Variants in VIPR2 observed in about 807,000 individuals in gnomAD.
The protein encoded by VIPR2 is vasoactive intestinal peptide receptor 2.
In VIPR2, 48 loss-of-function variants were observed where a neutral mutation model predicts 58.0. The ratio of observed to expected loss-of-function variants is 0.83; its 90% CI spans 0.66 to 1.05. The LOEUF (loss-of-function observed/expected upper bound fraction) is 1.05, where lower values mean the gene tolerates loss of function less well. Among genes scored for constraint, VIPR2 ranks in the 50% least tolerant of loss-of-function variants. The pLI, the probability that VIPR2 is intolerant of heterozygous loss-of-function variation, is 0.00. For missense variants in VIPR2, 534 were observed against 558.0 expected, an observed-to-expected ratio of 0.96 and a Z score of 0.43; for synonymous variants, 243 against 235.2, an observed-to-expected ratio of 1.03 and a Z score of -0.30.
Position 159,136,012 on chromosome 7 carries a change from C to T in VIPR2, c.151+6434G>A, listed in dbSNP as rs559796524. Among the ~76,000 whole-genome samples, 14 of 152,248 alleles carry T rather than the reference C, an allele frequency of 9.2e-5. No individual in the cohort carries two copies. The South Asian group carries it at 2.5e-3, about 27-fold the overall frequency. On this transcript the variant is annotated intron_variant, in intron 2 of 12. Coordinates refer to ENST00000262178, the MANE Select transcript of VIPR2 (RefSeq NM_003382.5). Reference sequence around the variant, plus strand: ...ACAAAGCTTTGTGACCAAAGAGGTTCGAGTCCCAAGTCCCCTTCAGGAAGA... The same window carrying T: ...ACAAAGCTTTGTGACCAAAGAGGTTTGAGTCCCAAGTCCCCTTCAGGAAGA...
rs113987798 is a variant in VIPR2 at position 159,139,033 on chromosome 7, G to A, written c.151+3413C>T. Among the ~76,000 whole-genome samples the A allele has an allele frequency of 3.9e-3, 589 of 152,260 alleles. 1 individual carries two copies. The highest frequency in any genetic ancestry group is 0.013 in the African/African-American group (544 of 41,548). ...AAATCACACAGTGAGTTATGATCAC[G>A]AAAGTCACAGGATGCTGTGGGACAG... On this transcript the variant is annotated intron_variant, in intron 2 of 12. Coordinates refer to ENST00000262178, the MANE Select transcript of VIPR2 (RefSeq NM_003382.5).
intron 4 of VIPR2, 49 bp from the exon 5 acceptor site, chr7:159,058,627 C>G (rs1461784754): frequency 7.4e-7 from 1 of 1,349,438 alleles, no homozygotes; most frequent in Admixed American, 1.7e-5. Context: ...CCAGCAACAC[C>G]AGACAACAGG....
At chr7:159,039,945 G>GGGCC (rs1854217924) in intron 6 of VIPR2, among the ~76,000 whole-genome samples, 1 of 152,232 alleles carries the variant, frequency 6.6e-6, no homozygotes, top group South Asian at 2.1e-4. Flanking sequence ...GCCACATGAG[G>GGGCC]GACCGTGTGC....
chr7:159,144,765 T>TC lies in VIPR2; in HGVS notation c.6dup (p.Thr3AspfsTer94), dbSNP rs1797623940. 7.9e-7 allele frequency: 1 copy of TC among 1,258,144 alleles called. No individual in the cohort carries two copies. The highest frequency in any genetic ancestry group is 1.6e-5 in the African/African-American group (1 of 64,448). 77.9% of individuals were successfully genotyped at this position (1,258,144 alleles called of 1,614,324 possible). A position where few individuals can be genotyped will look rare whatever the true frequency, so the allele number is the denominator to read the frequency against. On this transcript the variant is annotated frameshift_variant, in exon 1 of 13. Transcript: ENST00000262178. LOFTEE classifies it high-confidence loss of function. Reference sequence around the variant, plus strand: ...GTCAGCAGCGCGGGAGGCAGCAGCGTCCGCATCCCGAGCTCAGCGTGCCGG... The same window carrying TC: ...GTCAGCAGCGCGGGAGGCAGCAGCGTCCCGCATCCCGAGCTCAGCGTGCCGG...
At chr7:159,144,239 T>C (rs1388975251) in intron 1 of VIPR2, 2 of 1,320,574 alleles carry the variant, frequency 1.5e-6, no homozygotes, top group Non-Finnish European at 1.9e-6. Flanking sequence ...AAAAAGCAAC[T>C]ATTTCCAAAA....
chr7:159,076,689 G>A (rs1205823174), intron 4 of VIPR2, among the ~76,000 whole-genome samples: 3 of 151,962 alleles, frequency 2.0e-5, no homozygotes, highest in Non-Finnish European at 4.4e-5. Flanking sequence ...TTGGCTCAAA[G>A]AAAAATAAGC....
intron 5 of VIPR2, among the ~76,000 whole-genome samples, chr7:159,047,203 C>T (rs1854708215): frequency 6.6e-6 from 1 of 152,180 alleles, no homozygotes; most frequent in African/African-American, 2.4e-5. Context: ...GAGATTGTGC[C>T]ATTACGCTCC....
At chr7:159,094,500 G>A (rs556779965) in intron 4 of VIPR2, among the ~76,000 whole-genome samples, 6 of 152,338 alleles carry the variant, frequency 3.9e-5, no homozygotes, top group Admixed American at 6.5e-5. Flanking sequence ...CACAGGCACC[G>A]GAGACATCCT....
intron 2 of VIPR2, among the ~76,000 whole-genome samples, chr7:159,114,060 G>C (rs976799556): frequency 6.6e-6 from 1 of 152,124 alleles, no homozygotes; most frequent in Non-Finnish European, 1.5e-5. Context: ...AGCATTTAAA[G>C]TGTATCATTA....
In VIPR2 at chr7:159,031,247, C is replaced by T. The variant is rs1853558636; in HGVS notation, c.1144-458G>A. On this transcript the variant is annotated intron_variant, in intron 12 of 12. Coordinates refer to ENST00000262178, the MANE Select transcript of VIPR2 (RefSeq NM_003382.5). The surrounding 1 kb of genome is among the most constrained non-coding windows in gnomAD (Gnocchi z 4.0). ...AGGAGGACAAGTGGCACTACTCGGGCTCAGCTTTGCAGAAGCCGTGCTGGT... is the reference window on the plus strand; with the variant it reads ...AGGAGGACAAGTGGCACTACTCGGGTTCAGCTTTGCAGAAGCCGTGCTGGT... Among the ~76,000 whole-genome samples, 1 of 151,982 alleles carries T rather than the reference C, an allele frequency of 6.6e-6. No homozygotes were observed. The highest frequency in any genetic ancestry group is 1.5e-5 in the Non-Finnish European group (1 of 67,992).
In VIPR2 at chr7:159,058,848, G is replaced by A. The variant is rs546101697; in HGVS notation, c.358-270C>T. Among the ~76,000 whole-genome samples, 5 of 152,282 alleles carry A rather than the reference G, an allele frequency of 3.3e-5. 1 individual carries two copies. The highest frequency in any genetic ancestry group is 2.6e-4 in the Admixed American group (4 of 15,308). Reference sequence around the variant, plus strand: ...CCTCTGTCTGGAGGGAACACGACCCGCCACCATCAGGGAAAGCAAAGGAAG... The same window carrying A: ...CCTCTGTCTGGAGGGAACACGACCCACCACCATCAGGGAAAGCAAAGGAAG... On this transcript the variant is annotated intron_variant, in intron 4 of 12. Transcript: ENST00000262178.
chr7:159,062,711 A>G (rs1238944148), intron 4 of VIPR2, among the ~76,000 whole-genome samples: 1 of 152,084 alleles, frequency 6.6e-6, no homozygotes, highest in South Asian at 2.1e-4. Context: ...AGGGCAAAAG[A>G]ACACGACTGC....
At chr7:159,037,374 G>A (rs1854043018) in intron 6 of VIPR2, among the ~76,000 whole-genome samples, 1 of 152,224 alleles carries the variant, frequency 6.6e-6, no homozygotes, top group African/African-American at 2.4e-5. Flanking sequence ...CCCTGCAGGG[G>A]CCCAGGGCTC....
intron 2 of VIPR2, among the ~76,000 whole-genome samples, chr7:159,136,108 A>T (rs1348214847): frequency 6.6e-6 from 1 of 152,218 alleles, no homozygotes; most frequent in Admixed American, 6.5e-5. Flanking sequence ...TGGGTAAATT[A>T]TAAAGGAAAG....
chr7:159,112,000 G>A (rs568312171), intron 2 of VIPR2, among the ~76,000 whole-genome samples: 1 of 152,290 alleles, frequency 6.6e-6, no homozygotes, highest in African/African-American at 2.4e-5. Context: ...GACAGAGCGA[G>A]ACCTCGTCTC....
chr7:159,087,182 G>C (rs1313375654), intron 4 of VIPR2, among the ~76,000 whole-genome samples: 2 of 150,300 alleles, frequency 1.3e-5, no homozygotes, highest in African/African-American at 4.9e-5. Context: ...CCAGGACTCG[G>C]ATAGTGAGAT....
At chr7:159,112,531 G>A (rs1002941154) in intron 2 of VIPR2, among the ~76,000 whole-genome samples, 1 of 152,188 alleles carries the variant, frequency 6.6e-6, no homozygotes, top group African/African-American at 2.4e-5. Flanking sequence ...CTACAGCCTT[G>A]CAGACAGAAG....
intron 5 of VIPR2, among the ~76,000 whole-genome samples, chr7:159,046,654 C>T (rs1004763213): frequency 2.0e-5 from 3 of 152,228 alleles, no homozygotes; most frequent in African/African-American, 7.2e-5. Context: ...GAATTGTGTA[C>T]CTTAAGATGG....
intron 6 of VIPR2, among the ~76,000 whole-genome samples, chr7:159,041,272 C>T (rs948722051): frequency 1.2e-4 from 19 of 152,234 alleles, no homozygotes; most frequent in Non-Finnish European, 2.5e-4. Context: ...TCCACTCTGC[C>T]TCGGAGGTTC....
Sources: gnomAD v4.1 joint callset for allele counts (sites outside exome capture counted in the v4.1 genomes callset) on GRCh38, gnomAD v4.1.1 for gene constraint, Gnocchi (gnomAD v3.1) non-coding constraint, MANE v1.5 for transcripts, NCBI Gene and HGNC (gene_info 2026-07-23, HGNC 2026-07-21) for gene names.